Variants in NIM1K observed in about 807,000 individuals in gnomAD.
The protein encoded by NIM1K is NIM1 serine/threonine protein kinase.
Under a neutral mutation model 37.1 loss-of-function variants are expected in NIM1K, and 35 were observed. That is an observed-to-expected ratio of 0.94 (90% CI 0.72 to 1.25). The LOEUF is 1.25. Ranked by LOEUF, NIM1K falls within the 50% of genes most tolerant of loss-of-function variation. NIM1K has a pLI of 0.00. For synonymous variants in NIM1K, 234 were observed against 206.6 expected, an observed-to-expected ratio of 1.13 and a Z score of -1.14; for missense variants, 564 against 548.0, an observed-to-expected ratio of 1.03 and a Z score of -0.29.
At chr5:43,265,081 C>G (rs924536320) in intron 2 of NIM1K, among the ~76,000 whole-genome samples, 4 of 152,202 alleles carry the variant, frequency 2.6e-5, no homozygotes, top group African/African-American at 9.7e-5. Flanking sequence ...TTTGGTGAAT[C>G]TGACAATTGT....
intron 1 of NIM1K, among the ~76,000 whole-genome samples, chr5:43,234,452 C>T (rs1348369784): frequency 1.3e-5 from 2 of 152,172 alleles, no homozygotes; most frequent in East Asian, 3.9e-4. Context: ...TACTCATCAC[C>T]TAGCATAAAA....
At chr5:43,236,152 G>C (rs571398701) in intron 1 of NIM1K, among the ~76,000 whole-genome samples, 1 of 152,126 alleles carries the variant, frequency 6.6e-6, no homozygotes, top group Non-Finnish European at 1.5e-5. Context: ...AGTAGTCCCA[G>C]CTACTCAGGA....
intron 2 of NIM1K, among the ~76,000 whole-genome samples, chr5:43,254,309 G>A (rs1752909747): frequency 6.6e-6 from 1 of 152,140 alleles, no homozygotes; most frequent in Non-Finnish European, 1.5e-5. Context: ...GGATTTGAGA[G>A]TAAATATATG....
At chr5:43,269,250 CAGTGAGCCA>C (rs1753217277) in intron 2 of NIM1K, among the ~76,000 whole-genome samples, 1 of 128,356 alleles carries the variant, frequency 7.8e-6, no homozygotes, top group East Asian at 2.6e-4. Context: ...GCAGAGGTTG[CAGTGAGCCA>C]AGATTGCGCC....
At position 43,254,095 on chromosome 5, in the gene NIM1K, G is replaced by A. The variant is rs111721077; in HGVS notation, c.292+8028G>A. Among the ~76,000 whole-genome samples, 1,269 of 152,338 alleles carry A rather than the reference G, an allele frequency of 8.3e-3. 10 individuals carry two copies. Among genetic ancestry groups the A allele is most frequent in the Middle Eastern group, 0.034 (10 of 294 alleles). ...AAATGTTAGTCAAATGGTCCAGATG[G>A]ATGATGTTGTTCATCTCAACTAAGG... is the stretch of plus-strand genomic sequence containing the variant. On this transcript the variant is annotated intron_variant, in intron 2 of 3. Transcript: ENST00000326035.
intron 2 of NIM1K, among the ~76,000 whole-genome samples, chr5:43,263,255 G>A (rs1753064545): frequency 6.6e-6 from 1 of 152,054 alleles, no homozygotes; most frequent in Admixed American, 6.6e-5. Flanking sequence ...TTTTTTGGTT[G>A]GTAGGCTATT....
rs538143930 is a variant in NIM1K, at chr5:43,210,539, G to A, written c.-695+18128G>A. ...TGCATAAAATACTCTGGGGCACCAC[G>A]GACTGGAGGGAGTCAGAGACTTCAC... On this transcript the variant is annotated intron_variant, in intron 1 of 3. Transcript: ENST00000326035. Among the ~76,000 whole-genome samples, 13 of 152,198 alleles carry A rather than the reference G, an allele frequency of 8.5e-5. No homozygotes were observed. The South Asian group carries it at 1.0e-3, about 12-fold the overall frequency.
intron 1 of NIM1K, among the ~76,000 whole-genome samples, chr5:43,241,317 TTTTTC>T (rs1752699002): frequency 7.2e-6 from 1 of 137,996 alleles, no homozygotes; most frequent in African/African-American, 2.7e-5. Context: ...GATATTGGTA[TTTTTC>T]TTTTCTTTTT....
intron 1 of NIM1K, among the ~76,000 whole-genome samples, chr5:43,222,923 G>A (rs182771055): frequency 2.0e-5 from 3 of 151,810 alleles, no homozygotes; most frequent in African/African-American, 7.3e-5. Context: ...GGCAGATCAC[G>A]AGGTCAGGAG....
intron 2 of NIM1K, among the ~76,000 whole-genome samples, chr5:43,272,211 C>T (rs938203033): frequency 6.6e-6 from 1 of 152,158 alleles, no homozygotes; most frequent in Admixed American, 6.5e-5. Context: ...TCAGGTCTTT[C>T]CTACCTCAAG....
chr5:43,276,159 C>T (rs1304999348), intron 2 of NIM1K, among the ~76,000 whole-genome samples: 1 of 152,144 alleles, frequency 6.6e-6, no homozygotes, highest in Non-Finnish European at 1.5e-5. Flanking sequence ...TCCCGAAGTG[C>T]TGGGATTACA....
chr5:43,280,044 G>A lies in NIM1K; in HGVS notation c.626G>A (p.Cys209Tyr). The A allele has an allele frequency of 3.1e-6, 5 of 1,614,108 alleles. No homozygotes were observed. Among genetic ancestry groups the A allele is most frequent in the Non-Finnish European group, 4.2e-6 (5 of 1,179,962 alleles). The change falls in exon 4 of 4, where the codon TGT becomes TAT. Residue 209 changes from cysteine to tyrosine, a missense_variant. Transcript: ENST00000326035. ...AATGTATTCTATACCAGTAATACTT[G>A]TGTGAAGGTGGGCGATTTTGGATTC... ...AENVFYTSNT[C>Y]VKVGDFGFST...
chr5:43,229,647 T>C (rs1359744469), intron 1 of NIM1K, among the ~76,000 whole-genome samples: 1 of 150,780 alleles, frequency 6.6e-6, no homozygotes, highest in African/African-American at 2.4e-5. Flanking sequence ...AGCCTTTTTT[T>C]TTTTTTTGAG....
intron 3 of NIM1K, among the ~76,000 whole-genome samples, chr5:43,279,628 G>T (rs1753406916): frequency 6.6e-6 from 1 of 152,212 alleles, no homozygotes; most frequent in Non-Finnish European, 1.5e-5. Context: ...CGATCCATCA[G>T]CCAGAAAAAC....
rs369891657 is a variant in NIM1K, at chr5:43,222,245, C to T, written c.-694-22837C>T. ...TCCAATCACTGAAGGGTGAGAAATA[C>T]GATCTTATGGTTTAGGACAGAGCAG... On this transcript the variant is annotated intron_variant, in intron 1 of 3. Coordinates refer to ENST00000326035, the MANE Select transcript of NIM1K (RefSeq NM_153361.4). Among the ~76,000 whole-genome samples the T allele has an allele frequency of 1.2e-4, 19 of 152,172 alleles. No homozygotes were observed. In the East Asian group the frequency reaches 1.4e-3, roughly 11 times the overall value.
chr5:43,275,851 T>C (rs571064616), intron 2 of NIM1K, among the ~76,000 whole-genome samples: 1 of 152,164 alleles, frequency 6.6e-6, no homozygotes, highest in African/African-American at 2.4e-5. Context: ...ATGAGTGTAT[T>C]AAGCCATTCT....
intron 1 of NIM1K, among the ~76,000 whole-genome samples, chr5:43,227,343 A>G (rs1752472298): frequency 6.6e-6 from 1 of 152,222 alleles, no homozygotes. Flanking sequence ...CTGGAGACAG[A>G]GCGAGACTCC....
intron 1 of NIM1K, among the ~76,000 whole-genome samples, chr5:43,213,796 A>C (rs555838470): frequency 1.3e-5 from 2 of 151,144 alleles, no homozygotes; most frequent in African/African-American, 4.9e-5. Flanking sequence ...GCCCCGGCCA[A>C]TTTTTGTATT....
chr5:43,208,208 C>G (rs902755598), intron 1 of NIM1K, among the ~76,000 whole-genome samples: 1 of 150,850 alleles, frequency 6.6e-6, no homozygotes, highest in Non-Finnish European at 1.5e-5. Context: ...TTTCTTTCCC[C>G]AATAATTGAC....
Sources: gnomAD v4.1 joint callset for allele counts (sites outside exome capture counted in the v4.1 genomes callset) on GRCh38, gnomAD v4.1.1 for gene constraint, MANE v1.5 for transcripts, NCBI Gene and HGNC (gene_info 2026-07-23, HGNC 2026-07-21) for gene names.